PTPRK: variants seen among roughly 807,000 people sequenced by gnomAD.
The protein encoded by PTPRK is receptor-type tyrosine-protein phosphatase kappa.
A neutral mutation model predicts 178.0 loss-of-function variants in PTPRK; 75 were observed. The observed-to-expected ratio is 0.42, with a 90% CI of 0.35 to 0.51. The LOEUF (loss-of-function observed/expected upper bound fraction) is 0.51, where lower values mean the gene tolerates loss of function less well. Among genes scored for constraint, PTPRK ranks in the 20% least tolerant of loss-of-function variants. The pLI is 0.02. For synonymous variants in PTPRK, 637 were observed against 620.6 expected, an observed-to-expected ratio of 1.03 and a Z score of -0.39; for missense variants, 1,441 against 1,797.8, an observed-to-expected ratio of 0.80 and a Z score of 3.59.
intron 1 of PTPRK, among the ~76,000 whole-genome samples, chr6:128,446,141 G>T (rs1846993775): frequency 6.6e-6 from 1 of 152,164 alleles, no homozygotes; most frequent in African/African-American, 2.4e-5. Context: ...CAGATGTCTG[G>T]CTGGATAAGC....
At chr6:128,329,136 C>T (rs1829943357) in intron 2 of PTPRK, among the ~76,000 whole-genome samples, 1 of 152,138 alleles carries the variant, frequency 6.6e-6, no homozygotes, top group Non-Finnish European at 1.5e-5. Flanking sequence ...TTTTAATATA[C>T]ATAAATCTTT....
At chr6:128,424,885 T>C (rs1233078598) in intron 1 of PTPRK, among the ~76,000 whole-genome samples, 2 of 152,180 alleles carry the variant, frequency 1.3e-5, no homozygotes, top group Non-Finnish European at 2.9e-5. Context: ...AAACCATGTA[T>C]CAGCCACATA....
chr6:128,231,922 T>C (rs1053829359), intron 5 of PTPRK, among the ~76,000 whole-genome samples: 6 of 152,216 alleles, frequency 3.9e-5, no homozygotes, highest in African/African-American at 1.4e-4. Flanking sequence ...AATCGTTTTG[T>C]TTCTTAATTT....
At chr6:128,048,717 A>G (rs1277440252) in intron 13 of PTPRK, among the ~76,000 whole-genome samples, 2 of 152,182 alleles carry the variant, frequency 1.3e-5, no homozygotes, top group African/African-American at 4.8e-5. Flanking sequence ...ATTATAAGTA[A>G]TCTAGAGATT....
At chr6:128,511,646 C>G (rs1857206494) in intron 1 of PTPRK, among the ~76,000 whole-genome samples, 1 of 152,166 alleles carries the variant, frequency 6.6e-6, no homozygotes, top group South Asian at 2.1e-4. Context: ...TCCACCTGAA[C>G]TGTAGTTAGG....
At chr6:128,293,731 G>C (rs1823787826) in intron 3 of PTPRK, among the ~76,000 whole-genome samples, 1 of 152,024 alleles carries the variant, frequency 6.6e-6, no homozygotes, top group South Asian at 2.1e-4. Flanking sequence ...GGAATTATCT[G>C]AATTACAGGC....
At chr6:127,973,896 TATAA>T in intron 27 of PTPRK, 69 bp from the exon 28 acceptor site, 4 of 1,461,790 alleles carry the variant, frequency 2.7e-6, no homozygotes, top group South Asian at 2.6e-5. Flanking sequence ...AAAAGGTGCA[TATAA>T]TTTACAATAC....
At chr6:128,398,275 C>T (rs751336711) in intron 1 of PTPRK, among the ~76,000 whole-genome samples, 2 of 152,190 alleles carry the variant, frequency 1.3e-5, no homozygotes, top group Non-Finnish European at 2.9e-5. Flanking sequence ...ACAGTACTTT[C>T]TGCAACCAAT....
intron 1 of PTPRK, among the ~76,000 whole-genome samples, chr6:128,442,661 C>A (rs753051957): frequency 1.3e-5 from 2 of 152,180 alleles, no homozygotes; most frequent in African/African-American, 4.8e-5. Flanking sequence ...AATAAAAGTG[C>A]ATCTTCATAC....
At chr6:128,239,996 A>G (rs1209529956) in intron 5 of PTPRK, 39 bp downstream of exon 5, 1 of 1,479,856 alleles carries the variant, frequency 6.8e-7, no homozygotes, top group Admixed American at 1.7e-5. Flanking sequence ...TTTAAAACAT[A>G]AAGTATACTC....
intron 3 of PTPRK, among the ~76,000 whole-genome samples, chr6:128,296,401 C>T (rs1011558150): frequency 3.3e-5 from 5 of 152,090 alleles, no homozygotes; most frequent in Non-Finnish European, 7.3e-5. Flanking sequence ...TCGAGAAGAG[C>T]AACTCCAAGA....
intron 17 of PTPRK, 49 bp downstream of exon 17, chr6:127,996,852 A>T: frequency 6.4e-7 from 1 of 1,571,376 alleles, no homozygotes; most frequent in Non-Finnish European, 8.7e-7. Flanking sequence ...GTTTAAAACC[A>T]TATAAGCATA....
chr6:128,231,301 G>A (rs113093781), intron 5 of PTPRK, among the ~76,000 whole-genome samples: 1 of 152,178 alleles, frequency 6.6e-6, no homozygotes. Context: ...TCTTAGCTAC[G>A]AAAGAGAACA....
At chr6:128,241,247 G>A (rs1385694520) in intron 4 of PTPRK, 3 of 533,100 alleles carry the variant, frequency 5.6e-6, no homozygotes, top group East Asian at 5.4e-5. Context: ...TTTAAAATAA[G>A]GAATTCTTGA....
In PTPRK at chr6:128,307,464, AAAAAAAAAAAATC is replaced by A. The variant is rs975963984; in HGVS notation, c.495+14562_495+14574del. ...CATTCCTTTTTTATTTGTAAAGTAAAAAAAAAAAAAATCAAAAAAAAATCAATATTAAAATTAA... is the reference window on the plus strand; with the variant it reads ...CATTCCTTTTTTATTTGTAAAGTAAAAAAAAAAAATCAATATTAAAATTAA... On this transcript the variant is annotated intron_variant, in intron 3 of 29. Coordinates refer to ENST00000368226, the MANE Select transcript of PTPRK (RefSeq NM_002844.4). 1.2e-4 allele frequency among the ~76,000 whole-genome samples: 15 copies of A among 123,542 alleles called. 1 individual carries two copies. Among genetic ancestry groups the A allele is most frequent in the African/African-American group, 5.2e-4 (15 of 28,636 alleles). 81.0% of individuals were successfully genotyped at this position (123,542 alleles called of 152,430 possible).
intron 7 of PTPRK, among the ~76,000 whole-genome samples, chr6:128,114,382 C>T (rs943978439): frequency 1.6e-4 from 25 of 151,806 alleles, no homozygotes; most frequent in Middle Eastern, 3.4e-3. Flanking sequence ...CTTTCAGAGG[C>T]GGAGGTGGGC....
At chr6:128,164,774 G>A (rs1393276396) in intron 7 of PTPRK, among the ~76,000 whole-genome samples, 5 of 150,850 alleles carry the variant, frequency 3.3e-5, no homozygotes, top group Non-Finnish European at 7.4e-5. Context: ...AGAAAGGCCA[G>A]GGGAAAAGAA....
At chr6:128,255,179 C>T (rs544210697) in intron 3 of PTPRK, among the ~76,000 whole-genome samples, 6 of 152,040 alleles carry the variant, frequency 3.9e-5, no homozygotes, top group South Asian at 4.1e-4. Context: ...TTAGTAGAGA[C>T]GGGGTTTCAC....
intron 6 of PTPRK, among the ~76,000 whole-genome samples, chr6:128,193,540 C>T (rs990781767): frequency 1.3e-5 from 2 of 151,856 alleles, no homozygotes; most frequent in African/African-American, 2.4e-5. Flanking sequence ...AATTCTGATG[C>T]TAAATATGCT....
Sources: allele counts gnomAD v4.1 joint callset (sites outside exome capture counted in the v4.1 genomes callset), GRCh38; gene constraint gnomAD v4.1.1; transcripts MANE v1.5; gene names NCBI Gene and HGNC (gene_info 2026-07-23, HGNC 2026-07-21).